SHROOM3: variants seen among roughly 807,000 people sequenced by gnomAD.
SHROOM3 encodes the protein shroom family member 3, also known as protein Shroom3.
In SHROOM3, 47 loss-of-function variants were observed where a neutral mutation model predicts 138.6. The ratio of observed to expected loss-of-function variants is 0.34; its 90% CI spans 0.27 to 0.43. The LOEUF is 0.43. Among genes scored for constraint, SHROOM3 ranks in the 20% least tolerant of loss-of-function variants. The pLI, the probability that SHROOM3 is intolerant of heterozygous loss-of-function variation, is 1.00. For missense variants in SHROOM3, 2,491 were observed against 2,596.5 expected (o/e 0.96, Z 0.88); for synonymous variants, 1,062 against 1,063.3 (o/e 1.00, Z 0.02).
intron 1 of SHROOM3, among the ~76,000 whole-genome samples, chr4:76,479,127 T>G (rs986919774): frequency 6.6e-6 from 1 of 151,980 alleles, no homozygotes; most frequent in Non-Finnish European, 1.5e-5. Flanking sequence ...GGATGGAGAA[T>G]GAGTTTGACA....
chr4:76,593,516 CT>C (rs1250205731), intron 2 of SHROOM3, among the ~76,000 whole-genome samples: 1 of 152,156 alleles, frequency 6.6e-6, no homozygotes, highest in Non-Finnish European at 1.5e-5. Flanking sequence ...TGGTCAAGTT[CT>C]AATATTTTGG....
chr4:76,770,548 G>C, intron 9 of SHROOM3, 78 bp from the exon 10 acceptor site: 1 of 1,558,194 alleles, frequency 6.4e-7, no homozygotes, highest in Non-Finnish European at 8.7e-7. Flanking sequence ...GATGACAGAA[G>C]GTGGCTGGGG....
chr4:76,532,111 A>T lies in SHROOM3; in HGVS notation c.169-23498A>T, dbSNP rs536730918. 8.7e-4 allele frequency: 117 copies of T among 134,518 alleles called. 1 individual carries two copies. The highest frequency in any genetic ancestry group is 3.1e-3 in the African/African-American group (110 of 34,990). 8.3% of individuals were successfully genotyped at this position (134,518 alleles called of 1,614,324 possible). A position where few individuals can be genotyped will look rare whatever the true frequency, so the allele number is the denominator to read the frequency against. On this transcript the variant is annotated intron_variant, in intron 1 of 10. Transcript: ENST00000296043. ...TCTGATGTTCCCCTTCCTGTGACCA[A>T]GTGTTCTCATTGTTCAATTCCCACC...
intron 1 of SHROOM3, among the ~76,000 whole-genome samples, chr4:76,479,175 C>T (rs1033239865): frequency 1.3e-5 from 2 of 151,902 alleles, no homozygotes; most frequent in African/African-American, 4.8e-5. Flanking sequence ...ATGTAATAAA[C>T]TCCTCTGAGC....
chr4:76,552,652 A>G lies in SHROOM3; in HGVS notation c.169-2957A>G, dbSNP rs540248307. ...GCTATATACATATACATATATATAG[A>G]TATCTATATATGTATGTAGCTATGT... is the stretch of plus-strand genomic sequence containing the variant. On this transcript the variant is annotated intron_variant, in intron 1 of 10. Transcript: ENST00000296043. Among the ~76,000 whole-genome samples, 11 of 151,174 alleles carry G rather than the reference A, an allele frequency of 7.3e-5. No homozygotes were observed. In the East Asian group the frequency reaches 1.5e-3, roughly 21 times the overall value.
chr4:76,771,356 C>T (rs1322228345), intron 10 of SHROOM3, among the ~76,000 whole-genome samples: 2 of 150,090 alleles, frequency 1.3e-5, no homozygotes, highest in Admixed American at 6.6e-5. Flanking sequence ...CCAGACTGGG[C>T]GACCACATCA....
At chr4:76,631,926 T>A (rs1355265393) in intron 2 of SHROOM3, among the ~76,000 whole-genome samples, 1 of 152,016 alleles carries the variant, frequency 6.6e-6, no homozygotes, top group Non-Finnish European at 1.5e-5. Flanking sequence ...ATAGCTGAAG[T>A]GATGAAATTT....
At chr4:76,685,803 A>G (rs1719319069) in intron 2 of SHROOM3, among the ~76,000 whole-genome samples, 1 of 152,028 alleles carries the variant, frequency 6.6e-6, no homozygotes, top group Non-Finnish European at 1.5e-5. Flanking sequence ...ACATGGTGAA[A>G]CCCATCTCTA....
intron 2 of SHROOM3, among the ~76,000 whole-genome samples, chr4:76,584,306 G>T (rs1734107035): frequency 6.7e-6 from 1 of 149,326 alleles, no homozygotes; most frequent in Non-Finnish European, 1.5e-5. Flanking sequence ...GACAGAGCAA[G>T]ACTGCATCTC....
intron 2 of SHROOM3, among the ~76,000 whole-genome samples, chr4:76,600,329 C>T (rs1734480894): frequency 8.4e-6 from 1 of 119,464 alleles, no homozygotes; most frequent in Non-Finnish European, 1.9e-5. Flanking sequence ...AGGTTATATA[C>T]ATGGCTTGCT....
At chr4:76,472,384 A>G (rs909329222) in intron 1 of SHROOM3, among the ~76,000 whole-genome samples, 34 of 152,196 alleles carry the variant, frequency 2.2e-4, no homozygotes, top group Non-Finnish European at 4.3e-4. Context: ...GAGCCCAAGT[A>G]TAAATCTGAT....
At chr4:76,721,902 T>C (rs1172336561) in intron 3 of SHROOM3, among the ~76,000 whole-genome samples, 3 of 152,212 alleles carry the variant, frequency 2.0e-5, no homozygotes, top group Non-Finnish European at 4.4e-5. Flanking sequence ...ATATGAAGAC[T>C]TTATAAACTT....
At chr4:76,772,340 G>A (rs1386657436) in intron 10 of SHROOM3, among the ~76,000 whole-genome samples, 1 of 152,124 alleles carries the variant, frequency 6.6e-6, no homozygotes, top group African/African-American at 2.4e-5. Flanking sequence ...CTGACCTCAG[G>A]TGATCCACCT....
intron 5 of SHROOM3, among the ~76,000 whole-genome samples, chr4:76,747,892 T>C (rs1439836700): frequency 6.6e-6 from 1 of 152,224 alleles, no homozygotes; most frequent in Admixed American, 6.5e-5. Context: ...GATCATGGCT[T>C]GAATCATAGT....
chr4:76,478,031 A>C (rs552578014), intron 1 of SHROOM3, among the ~76,000 whole-genome samples: 1 of 152,130 alleles, frequency 6.6e-6, no homozygotes, highest in Admixed American at 6.5e-5. Flanking sequence ...CCTGGGTTTC[A>C]AGCACAAAAC....
At chr4:76,727,082 G>A (rs985625603) in intron 3 of SHROOM3, among the ~76,000 whole-genome samples, 3 of 152,110 alleles carry the variant, frequency 2.0e-5, no homozygotes, top group Non-Finnish European at 2.9e-5. Context: ...GAGTGATTCT[G>A]CCAACTCCCT....
At chr4:76,569,315 G>T (rs1733790091) in intron 2 of SHROOM3, among the ~76,000 whole-genome samples, 1 of 152,164 alleles carries the variant, frequency 6.6e-6, no homozygotes, top group Non-Finnish European at 1.5e-5. Context: ...CTTTAGTACG[G>T]GGTGGATGGG....
In SHROOM3 at chr4:76,626,861, GT is replaced by G. The variant is rs1183470599; in HGVS notation, c.323+71101del. On this transcript the variant is annotated intron_variant, in intron 2 of 10. Transcript: ENST00000296043. ...ACTATTGTTTTCTCAGGCATTGGAT[GT>G]TTGTACAGGTCATTTTAGAATACTT... is the stretch of plus-strand genomic sequence containing the variant. 1.4e-4 allele frequency among the ~76,000 whole-genome samples: 21 copies of G among 152,328 alleles called. No homozygotes were observed. In the East Asian group the frequency reaches 4.0e-3, roughly 29 times the overall value.
chr4:76,469,575 G>A lies in SHROOM3; in HGVS notation c.168+33355G>A, dbSNP rs187376201. 2.0e-5 allele frequency among the ~76,000 whole-genome samples: 3 copies of A among 152,192 alleles called. No individual in the cohort carries two copies. In the East Asian group the frequency reaches 5.8e-4, roughly 29 times the overall value. On this transcript the variant is annotated intron_variant, in intron 1 of 10. Coordinates refer to ENST00000296043, the MANE Select transcript of SHROOM3 (RefSeq NM_020859.4). Reference sequence around the variant, plus strand: ...AGGTTCAAGCAATTCTCCTGCCTCAGCCTCCTGAGTAGCTGGGACGTCAGG... The same window carrying A: ...AGGTTCAAGCAATTCTCCTGCCTCAACCTCCTGAGTAGCTGGGACGTCAGG...
Sources: allele counts gnomAD v4.1 joint callset (sites outside exome capture counted in the v4.1 genomes callset), GRCh38; gene constraint gnomAD v4.1.1; transcripts MANE v1.5; gene names NCBI Gene and HGNC (gene_info 2026-07-23, HGNC 2026-07-21).